The following STAT5A variants were observed in gnomAD, a reference collection of about 807,000 sequenced individuals.
The protein encoded by STAT5A is signal transducer and activator of transcription 5A, also known as epididymis secretory sperm binding protein.
STAT5A carries 26 observed loss-of-function variants against 100.2 expected under a neutral mutation model. That is an observed-to-expected ratio of 0.26 (90% CI 0.19 to 0.36). The LOEUF (loss-of-function observed/expected upper bound fraction) is 0.36. Among genes scored for constraint, STAT5A ranks in the 10% least tolerant of loss-of-function variants. The pLI is 1.00. For missense variants in STAT5A, 634 were observed against 1,027.5 expected (o/e 0.62, Z 5.24); for synonymous variants, 330 against 424.3 (o/e 0.78, Z 2.73).
At chr17:42,306,118 T>G in intron 12 of STAT5A, 123 bp from the exon 13 acceptor site, 2 of 1,522,480 alleles carry the variant, frequency 1.3e-6, no homozygotes, top group Non-Finnish European at 1.8e-6. Context: ...GCCCTTGCAT[T>G]TGTGTCACCT....
intron 9 of STAT5A, among the ~76,000 whole-genome samples, chr17:42,302,155 G>A (rs2080986336): frequency 6.6e-6 from 1 of 152,214 alleles, no homozygotes; most frequent in Non-Finnish European, 1.5e-5. Context: ...AACAGGGTGA[G>A]ACCCTGTCTC....
At chr17:42,299,962 C>T in intron 6 of STAT5A, 81 bp downstream of exon 6, 1 of 1,477,568 alleles carries the variant, frequency 6.8e-7, no homozygotes, top group African/African-American at 1.4e-5. Flanking sequence ...CTGGGACCAG[C>T]ATGAGAGCAG....
At chr17:42,297,653 A>T (rs2080931600) in intron 5 of STAT5A, among the ~76,000 whole-genome samples, 1 of 151,880 alleles carries the variant, frequency 6.6e-6, no homozygotes, top group Non-Finnish European at 1.5e-5. Context: ...TTGCATAGGA[A>T]GGCTGGGCCC....
rs554580817 is a variant in STAT5A, at chr17:42,307,431, C to G, written c.1710C>G (p.Phe570Leu). 3 of 1,614,106 alleles carry G rather than the reference C, an allele frequency of 1.9e-6. No homozygotes were observed. In the Admixed American group the frequency reaches 5.0e-5, roughly 27 times the overall value. ...ACTTGCCGGGCTGGAACTACACCTT[C>G]TGGCAGTGGTTTGACGGGGTGATGG... is the stretch of plus-strand genomic sequence containing the variant. The part of the protein sequence containing the change: ...RENLPGWNYT[F>L]WQWFDGVMEV... Residue 570 changes from phenylalanine to leucine, a missense_variant, in exon 14 of 19, where the codon TTC becomes TTG. Phe to Leu is a conservative substitution (Grantham distance 22). Transcript: ENST00000590949.
chr17:42,310,808 G>GCAGGCGTAGCT lies in STAT5A; in HGVS notation c.*141_*142insGGCGTAGCTCA. On this transcript the variant is annotated 3_prime_UTR_variant, in exon 19 of 19. Transcript: ENST00000590949. ...TGTGTGTGTGTGTGTGTGTCCTTGT[G>GCAGGCGTAGCT]CATGAGCTACGCCTGCCTCCCCTGT... 1.4e-6 allele frequency: 2 copies of GCAGGCGTAGCT among 1,430,226 alleles called. No homozygotes were observed. The highest frequency in any genetic ancestry group is 1.9e-6 in the Non-Finnish European group (2 of 1,065,140). The allele number at this position is 1,430,226 out of a possible 1,614,324, so 88.6% of individuals were successfully genotyped here. A position where few individuals can be genotyped will look rare whatever the true frequency, so the allele number is the denominator to read the frequency against.
rs2080843004 is a variant in STAT5A at position 42,289,114 on chromosome 17, C to G, written c.-10-288C>G. ...TCAAGTTTCTCTTTCAGTTTCTGGC[C>G]GTCCCCCTCACTAGGGAAGCTCCGG... is the stretch of plus-strand genomic sequence containing the variant. On this transcript the variant is annotated intron_variant, in intron 1 of 18. Coordinates refer to ENST00000590949, the MANE Select transcript of STAT5A (RefSeq NM_001288718.2). 3 of 312,706 alleles carry G rather than the reference C, an allele frequency of 9.6e-6. No homozygotes were observed. In the East Asian group the frequency reaches 1.5e-4, roughly 16 times the overall value. The allele number at this position is 312,706 out of a possible 1,614,324, so 19.4% of individuals were successfully genotyped here.
At chr17:42,288,276 C>G (rs1210915000), upstream of STAT5A, 1 of 152,130 alleles carries the variant, frequency 6.6e-6, no homozygotes, top group Admixed American at 6.5e-5. The surrounding 1 kb of genome is among the most constrained non-coding windows in gnomAD (Gnocchi z 4.8). Context: ...TGCTGGGACT[C>G]CCGGGGGACC....
chr17:42,306,388 A>G lies in STAT5A; in HGVS notation c.1621A>G (p.Ser541Gly). 6.2e-7 allele frequency: 1 copy of G among 1,614,186 alleles called. No individual in the cohort carries two copies. Among genetic ancestry groups the G allele is most frequent in the Non-Finnish European group, 8.5e-7 (1 of 1,180,022 alleles). The change falls in exon 13 of 19, where the codon AGC becomes GGC. Residue 541 changes from serine (S) to glycine (G), a missense_variant. Ser to Gly is a moderately conservative substitution (Grantham distance 56, BLOSUM62 0). Transcript: ENST00000590949. ...VFLAQKLFNN[S>G]SSHLEDYSGL... ...CCTGGCGCAGAAACTGTTCAACAAC[A>G]GCAGCAGCCACCTGGAGGACTACAG...
In STAT5A at chr17:42,304,226, G is replaced by T; in HGVS notation, c.1170-116G>T. ...GCCAAGAAACACTCTTAGGGGATAC[G>T]GGGCAGGGGCTGCTGGCAGGGCTGA... On this transcript the variant is annotated intron_variant, in intron 9 of 18. Transcript: ENST00000590949. The surrounding 1 kb of genome is among the most constrained non-coding windows in gnomAD (Gnocchi z 4.8). 5.4e-6 allele frequency: 5 copies of T among 924,164 alleles called. No homozygotes were observed. Among genetic ancestry groups the T allele is most frequent in the Non-Finnish European group, 8.4e-6 (5 of 591,936 alleles). The allele number at this position is 924,164 out of a possible 1,614,324, so 57.2% of individuals were successfully genotyped here.
intron 5 of STAT5A, among the ~76,000 whole-genome samples, chr17:42,296,029 G>A (rs191533385): frequency 6.6e-6 from 1 of 152,244 alleles, no homozygotes; most frequent in Non-Finnish European, 1.5e-5. Flanking sequence ...CCCCCCTTTT[G>A]CAGATGGTAA....
intron 11 of STAT5A, among the ~76,000 whole-genome samples, chr17:42,305,059 G>T (rs910797482): frequency 3.9e-5 from 6 of 152,074 alleles, no homozygotes; most frequent in African/African-American, 1.4e-4. Flanking sequence ...AAAAAGTTGG[G>T]CATGGTGGCC....
intron 4 of STAT5A, among the ~76,000 whole-genome samples, chr17:42,292,969 C>G (rs534412053): frequency 1.3e-5 from 2 of 152,266 alleles, no homozygotes; most frequent in East Asian, 3.9e-4. Flanking sequence ...TCATACCTAT[C>G]TGTGTCAGAA....
intron 9 of STAT5A, among the ~76,000 whole-genome samples, chr17:42,303,979 G>A (rs1232413219): frequency 3.9e-5 from 6 of 152,326 alleles, no homozygotes; most frequent in Non-Finnish European, 7.4e-5. Context: ...GAGGAATTCA[G>A]TGAGGCCAGG....
At position 42,304,695 on chromosome 17, in the gene STAT5A, C is replaced by G; in HGVS notation, c.1380+43C>G. The G allele has an allele frequency of 6.2e-7, 1 of 1,609,818 alleles. No homozygotes were observed. Among genetic ancestry groups the G allele is most frequent in the South Asian group, 1.1e-5 (1 of 90,258 alleles). ...CCTGCCCCCACTGCTCCAGGTCACCCAAGAGGTGGAGGGGCCTGCCTCAGG... is the reference window on the plus strand; with the variant it reads ...CCTGCCCCCACTGCTCCAGGTCACCGAAGAGGTGGAGGGGCCTGCCTCAGG... On this transcript the variant is annotated intron_variant, in intron 11 of 18. Transcript: ENST00000590949. The surrounding 1 kb of genome is among the most constrained non-coding windows in gnomAD (Gnocchi z 4.8).
At position 42,304,920 on chromosome 17, in the gene STAT5A, G is replaced by A. The variant is rs1310296683; in HGVS notation, c.1380+268G>A. Among the ~76,000 whole-genome samples the A allele has an allele frequency of 6.6e-6, 1 of 152,212 alleles. No individual in the cohort carries two copies. Among genetic ancestry groups the A allele is most frequent in the Non-Finnish European group, 1.5e-5 (1 of 68,040 alleles). On this transcript the variant is annotated intron_variant, in intron 11 of 18. Transcript: ENST00000590949. This position sits in a 1 kb window ranked among gnomAD's most constrained non-coding sequence, Gnocchi z 4.8. ...ACTGTGGGTGAGGAAAGTGGGTTGG[G>A]ACCAGGTGTGGTGGCTCTCACCTGT...
chr17:42,287,881 AAAG>A (rs1258201828), upstream of STAT5A: 1 of 152,240 alleles, frequency 6.6e-6, no homozygotes, highest in Non-Finnish European at 1.5e-5. Flanking sequence ...GGCCGGAGTA[AAAG>A]AAGGAGGGAG....
chr17:42,303,547 T>G (rs577783674), intron 9 of STAT5A, among the ~76,000 whole-genome samples: 1 of 152,178 alleles, frequency 6.6e-6, no homozygotes, highest in East Asian at 1.9e-4. Context: ...CAATCTCTAC[T>G]AAAAATACAA....
In STAT5A at chr17:42,308,603, T is replaced by G; in HGVS notation, c.2062+270T>G. 1 of 539,188 alleles carries G rather than the reference T, an allele frequency of 1.9e-6. No individual in the cohort carries two copies. The highest frequency in any genetic ancestry group is 3.3e-6 in the Non-Finnish European group (1 of 301,620). The allele number at this position is 539,188 out of a possible 1,614,324, so 33.4% of individuals were successfully genotyped here. On this transcript the variant is annotated intron_variant, in intron 16 of 18. Transcript: ENST00000590949. This position sits in a 1 kb window ranked among gnomAD's most constrained non-coding sequence, Gnocchi z 4.6. ...CCCTCGGAGGAAGGGGTGGCAGCACTGTAGGGAGTGGCCGGGATCATTCGA... is the reference window on the plus strand; with the variant it reads ...CCCTCGGAGGAAGGGGTGGCAGCACGGTAGGGAGTGGCCGGGATCATTCGA...
chr17:42,309,189 G>C (rs1356797650), intron 17 of STAT5A, 91 bp downstream of exon 17: 10 of 1,606,402 alleles, frequency 6.2e-6, no homozygotes, highest in Non-Finnish European at 8.5e-6. Context: ...CCAGCTTTCC[G>C]CTCCCCCAGG....
Sources: allele counts gnomAD v4.1 joint callset (sites outside exome capture counted in the v4.1 genomes callset), GRCh38; gene constraint gnomAD v4.1.1; non-coding constraint Gnocchi (gnomAD v3.1); transcripts MANE v1.5; gene names NCBI Gene and HGNC (gene_info 2026-07-23, HGNC 2026-07-21).